The following TBX18 variants were observed in gnomAD, a reference collection of about 807,000 sequenced individuals.
TBX18 encodes the protein T-box transcription factor TBX18.
Under a neutral mutation model 55.0 loss-of-function variants are expected in TBX18, and 21 were observed. The ratio of observed to expected loss-of-function variants is 0.38; its 90% CI spans 0.27 to 0.55. The LOEUF (loss-of-function observed/expected upper bound fraction) is 0.55, where lower values mean the gene tolerates loss of function less well. Among genes scored for constraint, TBX18 ranks in the 20% least tolerant of loss-of-function variants. The pLI is 0.73. For missense variants in TBX18, 840 were observed against 799.6 expected (o/e 1.05, Z -0.61); for synonymous variants, 342 against 326.1 (o/e 1.05, Z -0.53).
At chr6:84,739,644 T>C (rs766543646) in intron 6 of TBX18, among the ~76,000 whole-genome samples, 1 of 152,154 alleles carries the variant, frequency 6.6e-6, no homozygotes, top group Non-Finnish European at 1.5e-5. Flanking sequence ...TCCTGGGATA[T>C]CCAATAATAG....
intron 3 of TBX18, 53 bp from the exon 4 acceptor site, chr6:84,756,922 A>G: frequency 1.3e-6 from 2 of 1,534,612 alleles, no homozygotes; most frequent in Non-Finnish European, 1.8e-6. Flanking sequence ...TGGCATGTCC[A>G]ACTCAGTAGA....
At chr6:84,750,301 A>G (rs1767312501) in intron 4 of TBX18, among the ~76,000 whole-genome samples, 2 of 151,330 alleles carry the variant, frequency 1.3e-5, no homozygotes, top group African/African-American at 2.4e-5. Context: ...AAAAAAAAAA[A>G]GGCATAATCT....
chr6:84,736,492 G>A lies in TBX18; in HGVS notation c.*193C>T. On this transcript the variant is annotated 3_prime_UTR_variant, in exon 8 of 8. Coordinates refer to ENST00000369663, the MANE Select transcript of TBX18 (RefSeq NM_001080508.3). ...GGGGCCGTGATACTCCATGTGCTAT[G>A]TATATACAGCATACATATATACCAT... 1 of 516,686 alleles carries A rather than the reference G, an allele frequency of 1.9e-6. No homozygotes were observed. Among genetic ancestry groups the A allele is most frequent in the South Asian group, 5.1e-5 (1 of 19,580 alleles). 32.0% of individuals were successfully genotyped at this position (516,686 alleles called of 1,614,324 possible). A position where few individuals can be genotyped will look rare whatever the true frequency, so the allele number is the denominator to read the frequency against.
In TBX18 at chr6:84,764,328, T is replaced by G; in HGVS notation, c.-147A>C. On this transcript the variant is annotated 5_prime_UTR_variant, in exon 1 of 8. Coordinates refer to ENST00000369663, the MANE Select transcript of TBX18 (RefSeq NM_001080508.3). ...TCCCCACCGCGGGCAAAAAACAGAT[T>G]TGGCGTTTCCGCTTTCTCGCTTGTG... 8.7e-7 allele frequency: 1 copy of G among 1,151,746 alleles called. No homozygotes were observed. The highest frequency in any genetic ancestry group is 1.6e-5 in the African/African-American group (1 of 61,442). 71.3% of individuals were successfully genotyped at this position (1,151,746 alleles called of 1,614,324 possible).
rs137897063 is a variant in TBX18 at position 84,736,916 on chromosome 6, T to A, written c.1593A>T (p.Gly531=). ...FRLHSPCALY[G]YNFSTSPKLA... ...GTTTGGGGGATGTGGAGAAGTTATATCCATATAGTGCACAGGGGCTGTGTA... is the reference window on the plus strand; with the variant it reads ...GTTTGGGGGATGTGGAGAAGTTATAACCATATAGTGCACAGGGGCTGTGTA... The change falls in exon 8 of 8, where the codon GGA becomes GGT. Residue 531 remains glycine, a synonymous_variant. Transcript: ENST00000369663. 290 of 1,612,848 alleles carry A rather than the reference T, an allele frequency of 1.8e-4. No individual in the cohort carries two copies. Among genetic ancestry groups the A allele is most frequent in the African/African-American group, 9.1e-4 (68 of 75,030 alleles).
At chr6:84,750,408 A>G (rs2127876857) in intron 4 of TBX18, among the ~76,000 whole-genome samples, 1 of 152,234 alleles carries the variant, frequency 6.6e-6, no homozygotes, top group African/African-American at 2.4e-5. Flanking sequence ...TTTCAGAACT[A>G]TATTAGGAAA....
chr6:84,754,405 A>T (rs776756027), intron 4 of TBX18, among the ~76,000 whole-genome samples: 1 of 152,202 alleles, frequency 6.6e-6, no homozygotes, highest in Non-Finnish European at 1.5e-5. Flanking sequence ...TCCAAATTGT[A>T]CAAGTACATC....
intron 1 of TBX18, 38 bp downstream of exon 1, chr6:84,763,852 G>T (rs947600502): frequency 2.8e-6 from 4 of 1,453,194 alleles, no homozygotes; most frequent in East Asian, 5.2e-5. Context: ...TCAGGTTCGC[G>T]CCGGAGAGAA....
chr6:84,749,522 T>G (rs1297398142), intron 4 of TBX18, among the ~76,000 whole-genome samples: 1 of 151,174 alleles, frequency 6.6e-6, no homozygotes. Flanking sequence ...TTTCCTTGTA[T>G]CAGTGAAAGA....
At position 84,756,876 on chromosome 6, in the gene TBX18, G is replaced by A. The variant is rs1767505572; in HGVS notation, c.600-7C>T. On this transcript the variant is annotated splice_region_variant and splice_polypyrimidine_tract_variant and intron_variant, in intron 3 of 7. Coordinates refer to ENST00000369663, the MANE Select transcript of TBX18 (RefSeq NM_001080508.3). Reference sequence around the variant, plus strand: ...CGAACTGTGGTAAACATACCTAGAAGGCAATGACCAGGCGTTCAGTATACT... The same window carrying A: ...CGAACTGTGGTAAACATACCTAGAAAGCAATGACCAGGCGTTCAGTATACT... 6.2e-7 allele frequency: 1 copy of A among 1,613,440 alleles called. No homozygotes were observed. The highest frequency in any genetic ancestry group is 1.3e-5 in the African/African-American group (1 of 75,020).
intron 4 of TBX18, among the ~76,000 whole-genome samples, chr6:84,754,431 C>G (rs572052568): frequency 1.6e-4 from 24 of 152,306 alleles, no homozygotes; most frequent in African/African-American, 5.8e-4. Context: ...CCCTGCTCCC[C>G]ACATGTTAAT....
rs1209109628 is a variant in TBX18 at position 84,762,452 on chromosome 6, C to T, written c.497+92G>A. 3.5e-6 allele frequency: 5 copies of T among 1,448,636 alleles called. No homozygotes were observed. The African/African-American group carries it at 4.2e-5, about 12-fold the overall frequency. The allele number at this position is 1,448,636 out of a possible 1,614,324, so 89.7% of individuals were successfully genotyped here. ...CGAAAATGCTATCCAGAACCCCCACCGAGCTGCAGGCCCTTCTTCCTGATT... is the reference window on the plus strand; with the variant it reads ...CGAAAATGCTATCCAGAACCCCCACTGAGCTGCAGGCCCTTCTTCCTGATT... On this transcript the variant is annotated intron_variant, in intron 2 of 7. Coordinates refer to ENST00000369663, the MANE Select transcript of TBX18 (RefSeq NM_001080508.3).
Position 84,763,899 on chromosome 6 carries a change from C to G in TBX18, c.283G>C (p.Gly95Arg). The change falls in exon 1 of 8, where the codon GGA (glycine) becomes CGA (arginine). Residue 95 changes from glycine (G) to arginine (R), a missense_variant. Transcript: ENST00000369663. ...GAAGGGGCCCACTCACCCGCGGCTC[C>G]GCGCTCCAGGTCTGCGCCACTCCGA... ...PARSGADLER[G>R]AAGGCEDGFQ... The G allele has an allele frequency of 6.0e-6, 9 of 1,512,470 alleles. No homozygotes were observed. Among genetic ancestry groups the G allele is most frequent in the Non-Finnish European group, 7.9e-6 (9 of 1,141,076 alleles). The allele number at this position is 1,512,470 out of a possible 1,614,324, so 93.7% of individuals were successfully genotyped here. A position where few individuals can be genotyped will look rare whatever the true frequency, so the allele number is the denominator to read the frequency against.
Position 84,733,389 on chromosome 6 carries a change from G to A in TBX18, c.*3296C>T, listed in dbSNP as rs1179846516. On this transcript the variant is annotated 3_prime_UTR_variant, in exon 8 of 8. Transcript: ENST00000369663. Reference sequence around the variant, plus strand: ...TAATTTAATACAATTAGTTCTTAAGGGAAAGCTTAGAAAAAACTTCATGTA... The same window carrying A: ...TAATTTAATACAATTAGTTCTTAAGAGAAAGCTTAGAAAAAACTTCATGTA... 2 of 152,004 alleles carry A rather than the reference G, an allele frequency of 1.3e-5. No homozygotes were observed. Among genetic ancestry groups the A allele is most frequent in the Non-Finnish European group, 2.9e-5 (2 of 67,996 alleles). The allele number at this position is 152,004 out of a possible 1,614,324, so 9.4% of individuals were successfully genotyped here.
Position 84,764,117 on chromosome 6 carries a change from A to G in TBX18, c.65T>C (p.Val22Ala). ...MLSLKAHAFS[V>A]EALIGAEKQQ... ...CTTCTCGGCGCCGATCAGCGCCTCC[A>G]CCGAGAAAGCGTGCGCCTTGAGGCT... The change falls in exon 1 of 8, where the codon GTG becomes GCG. Residue 22 changes from valine to alanine, a missense_variant. Transcript: ENST00000369663. The G allele has an allele frequency of 6.3e-7, 1 of 1,583,246 alleles. No homozygotes were observed. The highest frequency in any genetic ancestry group is 1.1e-5 in the South Asian group (1 of 88,360).
rs1351296306 is a variant in TBX18 at position 84,756,823 on chromosome 6, A to G, written c.646T>C (p.Ser216Pro). The change falls in exon 4 of 8, where the codon TCG (serine) becomes CCG (proline). Residue 216 changes from serine (S) to proline (P), a missense_variant. Transcript: ENST00000369663. The stretch of plus-strand genomic sequence containing the variant: ...ATGTACACACGGGGTGGCACAGGCG[A>G]GTCAGCATTACCTGCCACCATCCAT... ...SKWMVAGNADSPVPPRVYIHP... is the reference protein window; with the variant it reads ...SKWMVAGNADPPVPPRVYIHP... The G allele has an allele frequency of 6.2e-7, 1 of 1,614,056 alleles. No homozygotes were observed. The highest frequency in any genetic ancestry group is 8.5e-7 in the Non-Finnish European group (1 of 1,180,022).
chr6:84,739,633 T>G (rs1766995517), intron 6 of TBX18, among the ~76,000 whole-genome samples: 3 of 152,172 alleles, frequency 2.0e-5, no homozygotes, highest in Admixed American at 2.0e-4. Context: ...AAATACTTGC[T>G]TCCTGGGATA....
intron 4 of TBX18, among the ~76,000 whole-genome samples, chr6:84,751,016 G>C (rs1455780047): frequency 6.6e-6 from 1 of 152,146 alleles, no homozygotes; most frequent in East Asian, 1.9e-4. Flanking sequence ...GAAACAAAAT[G>C]CCACTGGTAA....
In TBX18 at chr6:84,764,176, G is replaced by T; in HGVS notation, c.6C>A (p.Ala2=). M[A]EKRRGSPCSM... ...TGCACGGCGAGCCCCTTCGCTTCTC[G>T]GCCATCCCCCCCGCCCCGCGCCCGC... The change falls in exon 1 of 8, where the codon GCC becomes GCA. Residue 2 remains alanine (A), a synonymous_variant. Transcript: ENST00000369663. 1 of 1,476,372 alleles carries T rather than the reference G, an allele frequency of 6.8e-7. No individual in the cohort carries two copies. The highest frequency in any genetic ancestry group is 8.9e-7 in the Non-Finnish European group (1 of 1,122,000). 91.5% of individuals were successfully genotyped at this position (1,476,372 alleles called of 1,614,324 possible).
Sources: allele counts gnomAD v4.1 joint callset (sites outside exome capture counted in the v4.1 genomes callset), GRCh38; gene constraint gnomAD v4.1.1; transcripts MANE v1.5; gene names NCBI Gene and HGNC (gene_info 2026-07-23, HGNC 2026-07-21).